The following DCLK1 variants were observed in gnomAD, a reference collection of about 807,000 sequenced individuals.
DCLK1 encodes the protein serine/threonine-protein kinase DCLK1.
A neutral mutation model predicts 86.2 loss-of-function variants in DCLK1; 16 were observed. That is an observed-to-expected ratio of 0.19 (90% CI 0.13 to 0.28). DCLK1 has a LOEUF of 0.28. Among genes scored for constraint, DCLK1 ranks in the 10% least tolerant of loss-of-function variants. The pLI, the probability that DCLK1 is intolerant of heterozygous loss-of-function variation, is 1.00. For missense variants in DCLK1, 590 were observed against 940.2 expected (o/e 0.63, Z 4.87); for synonymous variants, 369 against 370.5 (o/e 1.00, Z 0.05).
chr13:35,783,677 C>T (rs994479869), intron 16 of DCLK1, among the ~76,000 whole-genome samples: 7 of 151,030 alleles, frequency 4.6e-5, no homozygotes, highest in Non-Finnish European at 8.9e-5. Flanking sequence ...TTCCGCCTCC[C>T]GGGCCCAAAT....
At chr13:35,899,205 A>C (rs1254000096) in intron 4 of DCLK1, among the ~76,000 whole-genome samples, 2 of 152,186 alleles carry the variant, frequency 1.3e-5, no homozygotes, top group Non-Finnish European at 2.9e-5. Flanking sequence ...ATGAAGATAA[A>C]AATGTGAGAT....
intron 14 of DCLK1, among the ~76,000 whole-genome samples, chr13:35,805,987 T>C (rs897426750): frequency 7.2e-5 from 11 of 152,214 alleles, no homozygotes; most frequent in African/African-American, 2.7e-4. Flanking sequence ...TAGCTTGTGG[T>C]TGAATAAAAA....
At chr13:35,836,688 T>C (rs1566559345) in intron 7 of DCLK1, among the ~76,000 whole-genome samples, 2 of 152,226 alleles carry the variant, frequency 1.3e-5, no homozygotes, top group African/African-American at 4.8e-5. Context: ...GAGCAGACTT[T>C]AGACAAATGT....
chr13:35,783,892 A>T (rs1172082136), intron 16 of DCLK1, among the ~76,000 whole-genome samples: 8 of 152,000 alleles, frequency 5.3e-5, no homozygotes, highest in African/African-American at 1.9e-4. Flanking sequence ...AGCCTCCAAG[A>T]CTGTTTAATT....
At chr13:35,975,131 A>G (rs1381862860) in intron 3 of DCLK1, among the ~76,000 whole-genome samples, 1 of 152,174 alleles carries the variant, frequency 6.6e-6, no homozygotes, top group Non-Finnish European at 1.5e-5. Flanking sequence ...GTCTTACACC[A>G]ATCCATCCAT....
intron 3 of DCLK1, among the ~76,000 whole-genome samples, chr13:36,024,395 A>G (rs1181534081): frequency 6.6e-6 from 1 of 152,238 alleles, no homozygotes; most frequent in Non-Finnish European, 1.5e-5. Context: ...AAGTTCCAGG[A>G]TTCAAAATCA....
intron 3 of DCLK1, among the ~76,000 whole-genome samples, chr13:36,036,006 C>A (rs559171212): frequency 2.0e-5 from 3 of 152,150 alleles, no homozygotes; most frequent in African/African-American, 7.2e-5. Context: ...GGAGGCAGGA[C>A]TTGGACACTG....
intron 4 of DCLK1, among the ~76,000 whole-genome samples, chr13:35,943,499 G>C (rs1487851661): frequency 6.6e-6 from 1 of 152,114 alleles, no homozygotes; most frequent in Non-Finnish European, 1.5e-5. Context: ...AGAATCAAGA[G>C]CAGTTAGGAA....
chr13:35,979,733 G>C (rs1403473531), intron 3 of DCLK1, among the ~76,000 whole-genome samples: 1 of 152,196 alleles, frequency 6.6e-6, no homozygotes, highest in Admixed American at 6.5e-5. Context: ...GGAGAGCAGT[G>C]AGTTTTTGCA....
chr13:35,846,580 G>T, intron 6 of DCLK1: 3 of 985,180 alleles, frequency 3.0e-6, no homozygotes, highest in Non-Finnish European at 3.6e-6. Flanking sequence ...TTTTCCACAT[G>T]CATAACAGGC....
At chr13:36,093,404 C>A (rs563201567) in intron 3 of DCLK1, among the ~76,000 whole-genome samples, 1 of 152,320 alleles carries the variant, frequency 6.6e-6, no homozygotes, top group South Asian at 2.1e-4. Context: ...GCCAAGGGCT[C>A]CCATGGTGGC....
At chr13:35,874,795 G>A (rs548878313) in intron 4 of DCLK1, among the ~76,000 whole-genome samples, 29 of 152,318 alleles carry the variant, frequency 1.9e-4, no homozygotes, top group African/African-American at 6.5e-4. Flanking sequence ...GCTTTGGAAC[G>A]TGCCAAGGAG....
intron 11 of DCLK1, among the ~76,000 whole-genome samples, chr13:35,821,107 T>G (rs1303552280): frequency 6.6e-6 from 1 of 152,220 alleles, no homozygotes; most frequent in Admixed American, 6.5e-5. Flanking sequence ...ACCTTGGCTC[T>G]TCTACTTAAG....
chr13:35,904,144 C>T (rs1874544645), intron 4 of DCLK1, among the ~76,000 whole-genome samples: 1 of 151,996 alleles, frequency 6.6e-6, no homozygotes, highest in Admixed American at 6.6e-5. Context: ...AACAGCATTT[C>T]AAGCAGCTCA....
chr13:35,810,809 C>G (rs117728104), intron 12 of DCLK1, 26 bp downstream of exon 12: 28,521 of 1,611,474 alleles, frequency 0.018, 326 homozygotes, highest in Non-Finnish European at 0.021. Flanking sequence ...GCAAGCATAG[C>G]ACTTAAACAT....
intron 3 of DCLK1, among the ~76,000 whole-genome samples, chr13:36,008,743 A>G (rs1170997): frequency 0.33 from 49,509 of 150,016 alleles, 8,774 homozygotes; most frequent in Middle Eastern, 0.45. Flanking sequence ...ATACCCAGTA[A>G]TGGGATGGCT....
intron 3 of DCLK1, among the ~76,000 whole-genome samples, chr13:35,978,967 G>A (rs969325512): frequency 6.6e-6 from 1 of 152,206 alleles, no homozygotes; most frequent in African/African-American, 2.4e-5. Context: ...AGTGCTAAGT[G>A]CTCTACCTAT....
intron 4 of DCLK1, among the ~76,000 whole-genome samples, chr13:35,945,494 T>C (rs1465311698): frequency 6.6e-6 from 1 of 152,194 alleles, no homozygotes; most frequent in Non-Finnish European, 1.5e-5. Flanking sequence ...TGGCCAACTC[T>C]GCTTGCTGGT....
At chr13:35,860,147 C>A (rs1871298832) in intron 5 of DCLK1, among the ~76,000 whole-genome samples, 1 of 152,102 alleles carries the variant, frequency 6.6e-6, no homozygotes, top group Admixed American at 6.5e-5. Context: ...ATGTGTGTGT[C>A]CTTGGGTTTG....
Sources: gnomAD v4.1 joint callset for allele counts (sites outside exome capture counted in the v4.1 genomes callset) on GRCh38, gnomAD v4.1.1 for gene constraint, MANE v1.5 for transcripts, NCBI Gene and HGNC (gene_info 2026-07-23, HGNC 2026-07-21) for gene names.